The following DPP10 variants were observed in gnomAD, a reference collection of about 807,000 sequenced individuals.
DPP10 encodes inactive dipeptidyl peptidase 10.
A neutral mutation model predicts 120.9 loss-of-function variants in DPP10; 33 were observed. That is an observed-to-expected ratio of 0.27 (90% CI 0.21 to 0.37). DPP10 has a LOEUF of 0.37. DPP10 is among the 10% of genes least tolerant of loss of function. DPP10 has a pLI of 1.00. For synonymous variants in DPP10, 337 were observed against 326.1 expected (o/e 1.03, Z -0.36); for missense variants, 816 against 942.8 (o/e 0.87, Z 1.76).
intron 1 of DPP10, among the ~76,000 whole-genome samples, chr2:114,577,013 C>G (rs1690107742): frequency 6.6e-6 from 1 of 151,798 alleles, no homozygotes; most frequent in Non-Finnish European, 1.5e-5. Context: ...GAAGAGCAGG[C>G]AAATAGATGT....
intron 5 of DPP10, among the ~76,000 whole-genome samples, chr2:115,568,497 G>T (rs1055719105): frequency 6.6e-6 from 1 of 151,610 alleles, no homozygotes; most frequent in Non-Finnish European, 1.5e-5. Context: ...AATAAAGAAA[G>T]AAATAATATC....
intron 1 of DPP10, among the ~76,000 whole-genome samples, chr2:114,629,032 G>A (rs1694722157): frequency 6.6e-6 from 1 of 152,116 alleles, no homozygotes; most frequent in Non-Finnish European, 1.5e-5. Context: ...CATGACACAT[G>A]AGACAGCTGG....
chr2:115,038,740 G>A (rs1355281592), intron 1 of DPP10, among the ~76,000 whole-genome samples: 1 of 152,106 alleles, frequency 6.6e-6, no homozygotes, highest in Non-Finnish European at 1.5e-5. Flanking sequence ...TGTAATGGAG[G>A]GACAGTGATT....
chr2:114,799,134 G>GA (rs1218924955), intron 1 of DPP10, among the ~76,000 whole-genome samples: 8 of 151,796 alleles, frequency 5.3e-5, no homozygotes, highest in East Asian at 1.9e-4. Context: ...CATCTCAAGA[G>GA]AAAAAAAATT....
chr2:114,911,694 G>A (rs1694380427), intron 1 of DPP10, among the ~76,000 whole-genome samples: 1 of 152,204 alleles, frequency 6.6e-6, no homozygotes, highest in Non-Finnish European at 1.5e-5. Context: ...GCACTATGTG[G>A]GAAGTAAGTT....
intron 1 of DPP10, among the ~76,000 whole-genome samples, chr2:115,078,250 T>C (rs1707957982): frequency 6.6e-6 from 1 of 152,210 alleles, no homozygotes; most frequent in Non-Finnish European, 1.5e-5. Flanking sequence ...CACCAAATGA[T>C]TCATTTCACA....
intron 1 of DPP10, among the ~76,000 whole-genome samples, chr2:114,622,583 G>A (rs114371184): frequency 0.017 from 2,631 of 152,082 alleles, 41 homozygotes; most frequent in South Asian, 0.042. Flanking sequence ...TTCAGGTAGG[G>A]CTGAAATCTT....
chr2:115,796,871 T>TC (rs2149943300), intron 19 of DPP10, among the ~76,000 whole-genome samples: 1 of 152,138 alleles, frequency 6.6e-6, no homozygotes, highest in South Asian at 2.1e-4. Flanking sequence ...ATGTATGTGT[T>TC]CCCCCAAGTT....
At position 115,801,685 on chromosome 2, in the gene DPP10, GATA is replaced by G. The variant is rs533175833; in HGVS notation, c.1700+10335_1700+10337del. 6.1e-3 allele frequency among the ~76,000 whole-genome samples: 929 copies of G among 152,266 alleles called. 14 individuals are homozygous for G. The highest frequency in any genetic ancestry group is 0.018 in the African/African-American group (733 of 41,542). On this transcript the variant is annotated intron_variant, in intron 19 of 25. Coordinates refer to ENST00000410059, the MANE Select transcript of DPP10 (RefSeq NM_020868.6). ...CAAAGGCCTTCTCTGCATCTATTGAGATAATAATGTGATTTTTATCTTTGGTTC... is the reference window on the plus strand; with the variant it reads ...CAAAGGCCTTCTCTGCATCTATTGAGATAATGTGATTTTTATCTTTGGTTC...
At chr2:114,987,193 C>T (rs1300313902) in intron 1 of DPP10, among the ~76,000 whole-genome samples, 1 of 152,164 alleles carries the variant, frequency 6.6e-6, no homozygotes, top group Non-Finnish European at 1.5e-5. Flanking sequence ...AATTACACAT[C>T]AGTAAAGTGG....
intron 1 of DPP10, among the ~76,000 whole-genome samples, chr2:115,275,876 A>G (rs556019666): frequency 1.3e-5 from 2 of 151,148 alleles, no homozygotes; most frequent in Non-Finnish European, 3.0e-5. Context: ...ATTTTTTTGT[A>G]TTTTTTGGTG....
At chr2:115,293,301 ATTAAGGTAT>A (rs71394126) in intron 1 of DPP10, among the ~76,000 whole-genome samples, 5,532 of 152,184 alleles carry the variant, frequency 0.036, 214 homozygotes, top group East Asian at 0.2. Context: ...CAGTTTTATG[ATTAAGGTAT>A]TTAGTAGTAT....
intron 3 of DPP10, among the ~76,000 whole-genome samples, chr2:115,400,911 G>A (rs907595914): frequency 5.9e-5 from 9 of 152,192 alleles, no homozygotes; most frequent in African/African-American, 2.2e-4. Flanking sequence ...AACTTCCTCA[G>A]TTTGGAGTAG....
At chr2:114,951,681 T>C (rs535167179) in intron 1 of DPP10, among the ~76,000 whole-genome samples, 1 of 152,306 alleles carries the variant, frequency 6.6e-6, no homozygotes, top group African/African-American at 2.4e-5. Context: ...GCTTCTTTTA[T>C]CAAATCTTAT....
intron 1 of DPP10, among the ~76,000 whole-genome samples, chr2:115,290,767 C>G (rs1291701726): frequency 6.6e-6 from 1 of 152,116 alleles, no homozygotes; most frequent in Non-Finnish European, 1.5e-5. Flanking sequence ...AATAATCATG[C>G]ACTTGCAACA....
At chr2:115,699,718 A>G (rs145492829) in intron 7 of DPP10, among the ~76,000 whole-genome samples, 58 of 152,358 alleles carry the variant, frequency 3.8e-4, no homozygotes, top group African/African-American at 1.4e-3. Context: ...ACAAAAATCT[A>G]TACATGCTAC....
intron 1 of DPP10, among the ~76,000 whole-genome samples, chr2:115,109,290 C>T (rs371343067): frequency 4.6e-5 from 7 of 152,140 alleles, no homozygotes; most frequent in Admixed American, 3.9e-4. Flanking sequence ...GTAATCCCAG[C>T]AGTTTGGGAG....
chr2:115,357,283 T>C (rs2064454345), intron 3 of DPP10, among the ~76,000 whole-genome samples: 1 of 152,216 alleles, frequency 6.6e-6, no homozygotes, highest in South Asian at 2.1e-4. Context: ...AGTTAGTTAC[T>C]TCCAAGATAC....
At chr2:115,725,655 A>T (rs1205275216) in intron 7 of DPP10, among the ~76,000 whole-genome samples, 1 of 152,208 alleles carries the variant, frequency 6.6e-6, no homozygotes, top group Non-Finnish European at 1.5e-5. Context: ...CCCTTCAGAA[A>T]GCTGAGAATT....
Sources: gnomAD v4.1 joint callset for allele counts (sites outside exome capture counted in the v4.1 genomes callset) on GRCh38, gnomAD v4.1.1 for gene constraint, MANE v1.5 for transcripts, NCBI Gene and HGNC (gene_info 2026-07-23, HGNC 2026-07-21) for gene names.